Variants in GRID1 observed in about 807,000 individuals in gnomAD.
The protein encoded by GRID1 is glutamate ionotropic receptor delta type subunit 1, also known as glutamate receptor ionotropic, delta-1.
GRID1 carries 28 observed loss-of-function variants against 98.0 expected under a neutral mutation model. That is an observed-to-expected ratio of 0.29 (90% confidence interval 0.21 to 0.39). The LOEUF (loss-of-function observed/expected upper bound fraction) is 0.39. Ranked by LOEUF, GRID1 falls within the 10% of genes least tolerant of loss-of-function variation. The probability of loss-of-function intolerance (pLI) is 1.00; values close to 1 mark genes in which losing one functional copy is unlikely to be tolerated. For missense variants in GRID1, 1,111 were observed against 1,340.5 expected, an observed-to-expected ratio of 0.83 and a Z score of 2.67; for synonymous variants, 553 against 538.5, an observed-to-expected ratio of 1.03 and a Z score of -0.37.
intron 2 of GRID1, among the ~76,000 whole-genome samples, chr10:86,356,646 T>G (rs896183111): frequency 2.6e-5 from 4 of 152,230 alleles, no homozygotes; most frequent in Admixed American, 2.6e-4. Flanking sequence ...GAGGAAATAC[T>G]GTGTCATGAA....
At chr10:85,740,874 C>T (rs373833736) in intron 8 of GRID1, among the ~76,000 whole-genome samples, 22 of 152,168 alleles carry the variant, frequency 1.4e-4, no homozygotes, top group East Asian at 5.8e-4. Flanking sequence ...GCCTCAGCCT[C>T]CCGAGTAGCT....
chr10:86,366,366 G>C lies in GRID1; in HGVS notation c.27C>G (p.Leu9=), dbSNP rs1416803184. MEALTLWL[L]PWICQCVSVR... The stretch of plus-strand genomic sequence containing the variant: ...CCGACACGCACTGGCATATCCAGGG[G>C]AGAAGCCACAGCGTCAGCGCTTCCA... The change falls in exon 1 of 16, where the codon CTC becomes CTG. Residue 9 remains leucine (L), a synonymous_variant. Transcript: ENST00000327946. This position sits in a 1 kb window ranked among gnomAD's most constrained non-coding sequence, Gnocchi z 4.1. 6.6e-7 allele frequency: 1 copy of C among 1,519,382 alleles called. No individual in the cohort carries two copies. The allele number at this position is 1,519,382 out of a possible 1,614,324, so 94.1% of individuals were successfully genotyped here.
At chr10:86,014,091 G>A (rs1337174062) in intron 4 of GRID1, among the ~76,000 whole-genome samples, 2 of 152,128 alleles carry the variant, frequency 1.3e-5, no homozygotes, top group African/African-American at 2.4e-5. Flanking sequence ...CCAGATAAAG[G>A]GTAAGCTCTC....
rs1297512109 is a variant in GRID1 at position 85,696,056 on chromosome 10, T to C, written c.1997+26947A>G. ...CCCAGTGTTCCTAATTCTTTATATATGGACCATAAAGCACAAGTCTGCCTT... is the reference window on the plus strand; with the variant it reads ...CCCAGTGTTCCTAATTCTTTATATACGGACCATAAAGCACAAGTCTGCCTT... On this transcript the variant is annotated intron_variant, in intron 12 of 15. Coordinates refer to ENST00000327946, the MANE Select transcript of GRID1 (RefSeq NM_017551.3). 2.0e-5 allele frequency among the ~76,000 whole-genome samples: 3 copies of C among 152,260 alleles called. No individual in the cohort carries two copies. In the East Asian group the frequency reaches 5.8e-4, roughly 29 times the overall value.
intron 4 of GRID1, among the ~76,000 whole-genome samples, chr10:86,049,499 G>A (rs1010814550): frequency 2.0e-4 from 30 of 152,212 alleles, no homozygotes; most frequent in African/African-American, 7.0e-4. Flanking sequence ...TTGGGGGACT[G>A]AACTAGAAAG....
chr10:85,754,537 A>C (rs977550789), intron 8 of GRID1, among the ~76,000 whole-genome samples: 4 of 152,216 alleles, frequency 2.6e-5, no homozygotes, highest in African/African-American at 9.7e-5. Context: ...GATATGATTA[A>C]AGTTAAAGAG....
intron 2 of GRID1, among the ~76,000 whole-genome samples, chr10:86,288,898 GC>G (rs761367882): frequency 2.6e-5 from 4 of 152,272 alleles, no homozygotes; most frequent in Non-Finnish European, 4.4e-5. Flanking sequence ...GAGAACAGAG[GC>G]CCCACCACTC....
chr10:85,645,622 C>T (rs1843177219), intron 13 of GRID1: 1 of 152,190 alleles, frequency 6.6e-6, no homozygotes, highest in Non-Finnish European at 1.5e-5. Flanking sequence ...TTTCTCAAAT[C>T]CAAGAGTTCC....
chr10:85,666,281 C>A (rs1841018433), intron 12 of GRID1, among the ~76,000 whole-genome samples: 2 of 152,118 alleles, frequency 1.3e-5, no homozygotes, highest in African/African-American at 4.8e-5. Context: ...AAAACCACAC[C>A]CCTACACTGA....
intron 4 of GRID1, among the ~76,000 whole-genome samples, chr10:86,104,850 G>A (rs1254787424): frequency 6.6e-6 from 1 of 152,190 alleles, no homozygotes; most frequent in African/African-American, 2.4e-5. Flanking sequence ...TTCATGCATG[G>A]CCGATGAAGT....
At chr10:86,152,246 C>G (rs569225188) in intron 3 of GRID1, among the ~76,000 whole-genome samples, 3 of 152,310 alleles carry the variant, frequency 2.0e-5, no homozygotes, top group East Asian at 1.9e-4. Context: ...AACAGCCCAG[C>G]TGTAGACCTG....
chr10:86,243,904 A>G (rs1393144772), intron 2 of GRID1, among the ~76,000 whole-genome samples: 1 of 152,134 alleles, frequency 6.6e-6, no homozygotes, highest in Non-Finnish European at 1.5e-5. Flanking sequence ...CCTCGCCACC[A>G]TCTCTGCACA....
intron 8 of GRID1, among the ~76,000 whole-genome samples, chr10:85,830,017 A>T (rs926808576): frequency 2.6e-5 from 4 of 152,236 alleles, no homozygotes; most frequent in Admixed American, 6.5e-5. Flanking sequence ...CCTAAGCAAA[A>T]AGAACAAAGC....
chr10:85,614,335 T>C (rs186355193), intron 14 of GRID1, among the ~76,000 whole-genome samples: 176 of 152,316 alleles, frequency 1.2e-3, no homozygotes, highest in African/African-American at 3.9e-3. Flanking sequence ...GGAGCTAACA[T>C]GTAAGGGGAA....
chr10:86,051,559 C>T (rs190214431), intron 4 of GRID1, among the ~76,000 whole-genome samples: 145 of 150,952 alleles, frequency 9.6e-4, no homozygotes, highest in Admixed American at 1.8e-3. Context: ...ATTTTCAACA[C>T]ATGCCAAAAA....
chr10:86,127,764 A>G (rs10788481), intron 4 of GRID1, among the ~76,000 whole-genome samples: 56,629 of 152,030 alleles, frequency 0.37, 12,213 homozygotes, highest in African/African-American at 0.6. Context: ...CAGAGTGAGT[A>G]GGAGCTATCC....
chr10:85,853,189 C>T (rs1420377707), intron 8 of GRID1, among the ~76,000 whole-genome samples: 1 of 152,042 alleles, frequency 6.6e-6, no homozygotes, highest in Non-Finnish European at 1.5e-5. Flanking sequence ...TCCACCAGTC[C>T]ACACATGCAT....
chr10:86,247,324 G>A (rs544139023), intron 2 of GRID1, among the ~76,000 whole-genome samples: 1 of 152,048 alleles, frequency 6.6e-6, no homozygotes, highest in South Asian at 2.1e-4. Flanking sequence ...TGGGTGGGTA[G>A]ATGAATAGAT....
chr10:86,288,116 A>T (rs1234407347), intron 2 of GRID1, among the ~76,000 whole-genome samples: 1 of 152,198 alleles, frequency 6.6e-6, no homozygotes, highest in African/African-American at 2.4e-5. Flanking sequence ...GTCTATGGGC[A>T]CAAAGTGAGG....
Sources: allele counts gnomAD v4.1 joint callset (sites outside exome capture counted in the v4.1 genomes callset), GRCh38; gene constraint gnomAD v4.1.1; non-coding constraint Gnocchi (gnomAD v3.1); transcripts MANE v1.5; gene names NCBI Gene and HGNC (gene_info 2026-07-23, HGNC 2026-07-21).